ROBO2: variants seen among roughly 807,000 people sequenced by gnomAD.
ROBO2 encodes the protein roundabout guidance receptor 2, also known as roundabout homolog 2.
In ROBO2, 53 loss-of-function variants were observed where a neutral mutation model predicts 160.8. The observed-to-expected ratio is 0.33, with a 90% CI of 0.26 to 0.41. ROBO2 has a LOEUF of 0.41. Among genes scored for constraint, ROBO2 ranks in the 10% least tolerant of loss-of-function variants. ROBO2 has a pLI of 1.00. For synonymous variants in ROBO2, 664 were observed against 611.7 expected (o/e 1.09, Z -1.26); for missense variants, 1,577 against 1,722.4 (o/e 0.92, Z 1.49).
At chr3:76,810,092 G>A (rs1203549773) in intron 2 of ROBO2, among the ~76,000 whole-genome samples, 1 of 152,074 alleles carries the variant, frequency 6.6e-6, no homozygotes, top group East Asian at 1.9e-4. Flanking sequence ...GAGCCTAGGA[G>A]ATTAGAAGAA....
intron 2 of ROBO2, among the ~76,000 whole-genome samples, chr3:76,461,287 C>A (rs535580612): frequency 6.6e-6 from 1 of 152,268 alleles, no homozygotes; most frequent in African/African-American, 2.4e-5. Context: ...ATGAAGACAG[C>A]ACCAAAACAT....
chr3:76,888,759 A>G (rs1162166657), intron 2 of ROBO2, among the ~76,000 whole-genome samples: 2 of 152,162 alleles, frequency 1.3e-5, no homozygotes, highest in African/African-American at 4.8e-5. Context: ...CCAGGTTTTA[A>G]TCAGTACTAG....
intron 2 of ROBO2, among the ~76,000 whole-genome samples, chr3:76,102,888 G>A (rs941441044): frequency 2.0e-5 from 3 of 151,442 alleles, no homozygotes; most frequent in African/African-American, 4.9e-5. Flanking sequence ...GCAGTGGTGC[G>A]ATCTCGGCTC....
intron 5 of ROBO2, among the ~76,000 whole-genome samples, chr3:77,506,925 G>A (rs1014327760): frequency 1.3e-5 from 2 of 151,972 alleles, no homozygotes; most frequent in African/African-American, 4.8e-5. Flanking sequence ...TTTGATATAG[G>A]CATGTCATCA....
chr3:76,634,107 T>C (rs75175187), intron 2 of ROBO2, among the ~76,000 whole-genome samples: 2,256 of 152,314 alleles, frequency 0.015, 61 homozygotes, highest in African/African-American at 0.051. Flanking sequence ...AGAAATTTAT[T>C]TTCTCACAGT....
At chr3:76,198,923 C>G (rs1459301358) in intron 2 of ROBO2, among the ~76,000 whole-genome samples, 1 of 152,178 alleles carries the variant, frequency 6.6e-6, no homozygotes, top group Non-Finnish European at 1.5e-5. Context: ...CCTGTAACTT[C>G]TGTTCCCTTA....
At chr3:76,138,738 A>G (rs888172629) in intron 2 of ROBO2, among the ~76,000 whole-genome samples, 11 of 152,136 alleles carry the variant, frequency 7.2e-5, no homozygotes, top group African/African-American at 2.7e-4. Flanking sequence ...TCATGTAAGA[A>G]CTTTGACAGC....
chr3:76,371,167 C>T (rs1282730131), intron 2 of ROBO2, among the ~76,000 whole-genome samples: 2 of 151,922 alleles, frequency 1.3e-5, no homozygotes, highest in African/African-American at 4.8e-5. Flanking sequence ...CTTTCGTTTA[C>T]TCTTTAATCT....
intron 6 of ROBO2, 132 bp from the exon 7 acceptor site, chr3:77,527,271 A>C: frequency 2.0e-6 from 1 of 492,702 alleles, no homozygotes; most frequent in Non-Finnish European, 3.3e-6. Context: ...GTCATACTTG[A>C]ATTGTGAGAC....
intron 6 of ROBO2, among the ~76,000 whole-genome samples, chr3:77,544,250 A>T (rs921960996): frequency 2.0e-5 from 3 of 152,124 alleles, no homozygotes; most frequent in Non-Finnish European, 4.4e-5. Flanking sequence ...AAAACATGGA[A>T]CAAAAATCAA....
At chr3:77,224,424 C>T (rs1230026862) in intron 2 of ROBO2, among the ~76,000 whole-genome samples, 1 of 151,924 alleles carries the variant, frequency 6.6e-6, no homozygotes, top group Non-Finnish European at 1.5e-5. Context: ...ATATTCTTTG[C>T]TTATCCATTT....
intron 2 of ROBO2, among the ~76,000 whole-genome samples, chr3:76,625,844 G>A (rs562423209): frequency 3.9e-5 from 6 of 152,266 alleles, no homozygotes; most frequent in African/African-American, 1.4e-4. Flanking sequence ...GGAAACCACT[G>A]AGAGATTTTA....
chr3:76,188,813 A>G (rs1213229337), intron 2 of ROBO2, among the ~76,000 whole-genome samples: 2 of 152,074 alleles, frequency 1.3e-5, no homozygotes, highest in African/African-American at 4.8e-5. Context: ...TCATATCTCC[A>G]ACTTTCTGCC....
At chr3:76,077,955 C>A (rs2068696364) in intron 2 of ROBO2, among the ~76,000 whole-genome samples, 1 of 152,220 alleles carries the variant, frequency 6.6e-6, no homozygotes, top group African/African-American at 2.4e-5. Context: ...GCATAATTTC[C>A]TCATTTCTTA....
intron 2 of ROBO2, among the ~76,000 whole-genome samples, chr3:77,402,771 G>A (rs1213110446): frequency 6.6e-6 from 1 of 152,022 alleles, no homozygotes; most frequent in African/African-American, 2.4e-5. Context: ...GGAGAGAAGG[G>A]ATGCAAGGCC....
At chr3:76,869,343 T>TTTTTTTC (rs2071740412) in intron 2 of ROBO2, among the ~76,000 whole-genome samples, 2 of 49,580 alleles carry the variant, frequency 4.0e-5, no homozygotes. Context: ...GAAATTGATG[T>TTTTTTTC]TTTTTTTTTT....
chr3:76,681,836 A>G (rs961926939), intron 2 of ROBO2, among the ~76,000 whole-genome samples: 7 of 152,200 alleles, frequency 4.6e-5, no homozygotes, highest in Admixed American at 6.6e-5. Flanking sequence ...CACCAACTTA[A>G]TACAAGGAGA....
At chr3:77,296,212 A>AC in intron 2 of ROBO2, among the ~76,000 whole-genome samples, 1 of 151,612 alleles carries the variant, frequency 6.6e-6, no homozygotes, top group Non-Finnish European at 1.5e-5. Flanking sequence ...TGATGGTTAA[A>AC]CGGGAAGTTG....
At chr3:76,037,488 C>T (rs986402737) in intron 2 of ROBO2, among the ~76,000 whole-genome samples, 1 of 151,840 alleles carries the variant, frequency 6.6e-6, no homozygotes, top group Non-Finnish European at 1.5e-5. Context: ...AACTCCTGAC[C>T]TCGTGATCTG....
Sources: gnomAD v4.1 joint callset for allele counts (sites outside exome capture counted in the v4.1 genomes callset) on GRCh38, gnomAD v4.1.1 for gene constraint, MANE v1.5 for transcripts, NCBI Gene and HGNC (gene_info 2026-07-23, HGNC 2026-07-21) for gene names.